Variants in PITPNC1 observed in about 807,000 individuals in gnomAD.
The protein encoded by PITPNC1 is cytoplasmic phosphatidylinositol transfer protein 1.
In PITPNC1, 18 loss-of-function variants were observed where a neutral mutation model predicts 44.7. The observed-to-expected ratio is 0.40, with a 90% CI of 0.28 to 0.60. The LOEUF is 0.60. Ranked by LOEUF, PITPNC1 falls within the 20% of genes least tolerant of loss-of-function variation. PITPNC1 has a pLI of 0.39. For missense variants in PITPNC1, 290 were observed against 418.4 expected (o/e 0.69, Z 2.68); for synonymous variants, 141 against 149.6 (o/e 0.94, Z 0.42).
rs1006177232 is a variant in PITPNC1 at position 67,512,500 on chromosome 17, C to CAAAAA, written c.49-20283_49-20279dup. ...TGGGCGACAGAGTGAGACTGTGTCT[C>CAAAAA]AAAAAAAAAAAAAAAAAAAAAAACA... is the stretch of plus-strand genomic sequence containing the variant. On this transcript the variant is annotated intron_variant, in intron 1 of 8. Transcript: ENST00000581322. 7.2e-4 allele frequency among the ~76,000 whole-genome samples: 43 copies of CAAAAA among 59,686 alleles called. 1 individual carries two copies. Among genetic ancestry groups the CAAAAA allele is most frequent in the African/African-American group, 2.6e-3 (40 of 15,170 alleles). 39.2% of individuals were successfully genotyped at this position (59,686 alleles called of 152,430 possible).
At chr17:67,596,932 C>T (rs541422729) in intron 5 of PITPNC1, among the ~76,000 whole-genome samples, 12 of 151,954 alleles carry the variant, frequency 7.9e-5, no homozygotes, top group Non-Finnish European at 1.8e-4. Context: ...CTTCCTCTAT[C>T]ACCCAGGCCG....
chr17:67,606,409 T>G (rs1010816673), intron 5 of PITPNC1, among the ~76,000 whole-genome samples: 4 of 152,150 alleles, frequency 2.6e-5, no homozygotes, highest in African/African-American at 7.2e-5. Flanking sequence ...TTCAAAGAGA[T>G]GGGACAATGT....
chr17:67,499,161 A>G (rs543401268), intron 1 of PITPNC1, among the ~76,000 whole-genome samples: 250 of 152,248 alleles, frequency 1.6e-3, no homozygotes, highest in African/African-American at 5.6e-3. Flanking sequence ...GGCATGAGCC[A>G]CGTGCCCAGC....
intron 6 of PITPNC1, among the ~76,000 whole-genome samples, chr17:67,654,507 C>T (rs58963738): frequency 0.024 from 3,727 of 152,308 alleles, 153 homozygotes; most frequent in African/African-American, 0.084. Flanking sequence ...TCTCTCAGGG[C>T]ATCCTTGTAT....
At chr17:67,420,509 T>G (rs1330997371) in intron 1 of PITPNC1, among the ~76,000 whole-genome samples, 1 of 151,536 alleles carries the variant, frequency 6.6e-6, no homozygotes, top group Non-Finnish European at 1.5e-5. Flanking sequence ...CTCGGCTCAC[T>G]GCAACCTCCA....
intron 1 of PITPNC1, among the ~76,000 whole-genome samples, chr17:67,402,001 A>C (rs980890406): frequency 3.9e-5 from 6 of 152,142 alleles, no homozygotes; most frequent in Non-Finnish European, 7.3e-5. Flanking sequence ...GCCCTTTAGA[A>C]AATATTGAAC....
intron 5 of PITPNC1, among the ~76,000 whole-genome samples, chr17:67,626,876 C>A (rs2144323299): frequency 6.6e-6 from 1 of 152,084 alleles, no homozygotes; most frequent in South Asian, 2.1e-4. Flanking sequence ...CCATAGAGTC[C>A]TCTTTGGAAA....
intron 1 of PITPNC1, among the ~76,000 whole-genome samples, chr17:67,408,538 CA>C (rs774274464): frequency 2.0e-5 from 3 of 151,200 alleles, no homozygotes; most frequent in Non-Finnish European, 3.0e-5. Flanking sequence ...TCAAAACAAA[CA>C]AAAAAAAAGT....
chr17:67,561,598 A>G (rs530474598), intron 4 of PITPNC1, among the ~76,000 whole-genome samples: 1 of 152,326 alleles, frequency 6.6e-6, no homozygotes, highest in Non-Finnish European at 1.5e-5. Context: ...AATTTTAAAC[A>G]TCGATTCTAC....
chr17:67,471,167 C>T (rs2039521186), intron 1 of PITPNC1, among the ~76,000 whole-genome samples: 1 of 126,806 alleles, frequency 7.9e-6, no homozygotes, highest in Non-Finnish European at 1.6e-5. Flanking sequence ...CTGCCAAATC[C>T]CCCTCTGTGA....
At chr17:67,688,316 C>A (rs1465310070) in intron 8 of PITPNC1, among the ~76,000 whole-genome samples, 4 of 37,276 alleles carry the variant, frequency 1.1e-4, no homozygotes, top group Non-Finnish European at 2.1e-4. Context: ...CCAGCCTGGG[C>A]AACAAGAGCA....
intron 1 of PITPNC1, among the ~76,000 whole-genome samples, chr17:67,450,187 G>A (rs558411796): frequency 9.9e-5 from 15 of 152,170 alleles, no homozygotes; most frequent in South Asian, 6.2e-4. Context: ...GAATCTTGCA[G>A]TATTTTTCAA....
At chr17:67,672,710 CTG>C (rs1213312750) in intron 7 of PITPNC1, among the ~76,000 whole-genome samples, 2 of 152,060 alleles carry the variant, frequency 1.3e-5, no homozygotes, top group Non-Finnish European at 2.9e-5. Flanking sequence ...TTTTGAGAAT[CTG>C]TTTCCTGAAA....
chr17:67,668,149 C>T (rs1362507334), intron 6 of PITPNC1, among the ~76,000 whole-genome samples: 5 of 152,122 alleles, frequency 3.3e-5, no homozygotes, highest in African/African-American at 1.2e-4. Flanking sequence ...AAGCCCCCAC[C>T]CCCAAAGAGA....
At chr17:67,454,820 CTTTTT>C (rs35832239) in intron 1 of PITPNC1, among the ~76,000 whole-genome samples, 3 of 127,914 alleles carry the variant, frequency 2.3e-5, no homozygotes, top group African/African-American at 3.0e-5. Context: ...TTTTATTTTC[CTTTTT>C]TTTTTTTTTT....
chr17:67,556,956 TGAGG>T (rs2040845086), intron 4 of PITPNC1, among the ~76,000 whole-genome samples: 1 of 152,140 alleles, frequency 6.6e-6, no homozygotes, highest in Non-Finnish European at 1.5e-5. Flanking sequence ...GGGAGAAATA[TGAGG>T]AGGTTTCTCA....
chr17:67,620,568 C>A (rs2041816455), intron 5 of PITPNC1, among the ~76,000 whole-genome samples: 1 of 152,182 alleles, frequency 6.6e-6, no homozygotes, highest in Non-Finnish European at 1.5e-5. Context: ...AGAATTTTCT[C>A]AGACACTCTC....
intron 1 of PITPNC1, among the ~76,000 whole-genome samples, chr17:67,406,618 G>A (rs1213214289): frequency 3.5e-5 from 5 of 144,586 alleles, no homozygotes; most frequent in East Asian, 2.0e-4. Flanking sequence ...ATAAAGTCTC[G>A]CTCTGTCTAG....
At chr17:67,519,691 C>G (rs2040301995) in intron 1 of PITPNC1, among the ~76,000 whole-genome samples, 1 of 152,204 alleles carries the variant, frequency 6.6e-6, no homozygotes, top group East Asian at 1.9e-4. Context: ...CATACACCCT[C>G]TCTGGCTACA....
Sources: gnomAD v4.1 joint callset for allele counts (sites outside exome capture counted in the v4.1 genomes callset) on GRCh38, gnomAD v4.1.1 for gene constraint, MANE v1.5 for transcripts, NCBI Gene and HGNC (gene_info 2026-07-23, HGNC 2026-07-21) for gene names.